The following ASB3 variants were observed in gnomAD, a reference collection of about 807,000 sequenced individuals.
The protein encoded by ASB3 is ankyrin repeat and SOCS box protein 3.
In ASB3, 41 loss-of-function variants were observed where a neutral mutation model predicts 54.5. The ratio of observed to expected loss-of-function variants is 0.75; its 90% confidence interval spans 0.59 to 0.98. The LOEUF (loss-of-function observed/expected upper bound fraction) is 0.98. Ranked by LOEUF, ASB3 falls within the 50% of genes least tolerant of loss-of-function variation. ASB3 has a pLI of 0.00. For synonymous variants in ASB3, 266 were observed against 221.2 expected (o/e 1.20, Z -1.80); for missense variants, 733 against 620.0 (o/e 1.18, Z -1.94).
intron 1 of ASB3, among the ~76,000 whole-genome samples, chr2:53,775,467 G>A (rs1179021930): frequency 1.3e-5 from 2 of 151,928 alleles, no homozygotes; most frequent in Admixed American, 1.3e-4. Flanking sequence ...GGCACCTCCT[G>A]GAATTATAAT....
At chr2:53,690,200 C>T (rs1231485027) in intron 9 of ASB3, among the ~76,000 whole-genome samples, 2 of 152,056 alleles carry the variant, frequency 1.3e-5, no homozygotes. Flanking sequence ...CATGCCACTG[C>T]ACTCCAGCCT....
intron 7 of ASB3, among the ~76,000 whole-genome samples, chr2:53,713,889 G>A (rs1210667585): frequency 6.6e-6 from 1 of 151,870 alleles, no homozygotes; most frequent in Admixed American, 6.6e-5. Context: ...CTCCAGCCCG[G>A]GCCACAGAGT....
rs780718931 is a variant in ASB3, at chr2:53,728,733, A to C, written c.583T>G (p.Leu195Val). 3.7e-6 allele frequency: 6 copies of C among 1,608,254 alleles called. No individual in the cohort carries two copies. Among genetic ancestry groups the C allele is most frequent in the Non-Finnish European group, 5.1e-6 (6 of 1,177,216 alleles). Residue 195 changes from leucine (L) to valine (V), a missense_variant, in exon 5 of 10, where the codon TTG (leucine) becomes GTG (valine). Coordinates refer to ENST00000263634, the MANE Select transcript of ASB3 (RefSeq NM_016115.5). ...VAAQYGKLES[L>V]SILISSGANV... The stretch of plus-strand genomic sequence containing the variant: ...TTACCCGATGAAATAAGTATGCTCA[A>C]GCTTTCTAGCTTGCCATACTGAGCA...
intron 5 of ASB3, among the ~76,000 whole-genome samples, chr2:53,728,216 T>A (rs1479007652): frequency 2.6e-5 from 4 of 152,166 alleles, no homozygotes; most frequent in Non-Finnish European, 5.9e-5. Flanking sequence ...TCCCTGGCAA[T>A]GCTGAATGTG....
At chr2:53,697,518 C>T (rs1669250499) in intron 8 of ASB3, among the ~76,000 whole-genome samples, 1 of 152,118 alleles carries the variant, frequency 6.6e-6, no homozygotes, top group South Asian at 2.1e-4. Context: ...ATTGGGACCC[C>T]TTTCCAGTAA....
intron 2 of ASB3, among the ~76,000 whole-genome samples, chr2:53,753,190 T>G (rs2104017192): frequency 6.6e-6 from 1 of 152,264 alleles, no homozygotes; most frequent in East Asian, 1.9e-4. Context: ...CTACATAACT[T>G]TGATAAATGA....
chr2:53,683,179 T>C (rs1668466942), intron 9 of ASB3, among the ~76,000 whole-genome samples: 2 of 152,174 alleles, frequency 1.3e-5, no homozygotes, highest in Admixed American at 1.3e-4. Flanking sequence ...CATGAAGAGA[T>C]GTTGAATTTT....
At chr2:53,748,423 A>G (rs1231752623) in intron 3 of ASB3, 1 of 152,196 alleles carries the variant, frequency 6.6e-6, no homozygotes, top group Non-Finnish European at 1.5e-5. Context: ...GGGAAAAAAG[A>G]AACTTAATAT....
chr2:53,733,697 C>T (rs1022465645), intron 3 of ASB3, among the ~76,000 whole-genome samples: 13 of 152,266 alleles, frequency 8.5e-5, no homozygotes, highest in African/African-American at 2.4e-4. Context: ...CCACCTTGGC[C>T]TCCCACCTCC....
chr2:53,731,284 C>T (rs1671296029), intron 3 of ASB3, among the ~76,000 whole-genome samples: 1 of 152,136 alleles, frequency 6.6e-6, no homozygotes, highest in African/African-American at 2.4e-5. Flanking sequence ...CACCTGTAAT[C>T]CTAGCTACTT....
intron 1 of ASB3, among the ~76,000 whole-genome samples, chr2:53,784,894 AT>A (rs1674852585): frequency 1.3e-5 from 2 of 152,070 alleles, no homozygotes; most frequent in African/African-American, 4.8e-5. Flanking sequence ...CCTACAATCA[AT>A]TTTCCACACA....
At chr2:53,783,033 A>T (rs1443505076) in intron 1 of ASB3, among the ~76,000 whole-genome samples, 1 of 152,100 alleles carries the variant, frequency 6.6e-6, no homozygotes, top group Non-Finnish European at 1.5e-5. Context: ...GTGATCTCTC[A>T]AAGTGCTGGA....
At chr2:53,702,177 C>G (rs1054995168) in intron 7 of ASB3, among the ~76,000 whole-genome samples, 1 of 152,082 alleles carries the variant, frequency 6.6e-6, no homozygotes, top group African/African-American at 2.4e-5. Flanking sequence ...GAGTAAATCC[C>G]AAAAGGCTTA....
At chr2:53,762,951 C>G (rs766521679) in intron 2 of ASB3, among the ~76,000 whole-genome samples, 1 of 152,086 alleles carries the variant, frequency 6.6e-6, no homozygotes, top group African/African-American at 2.4e-5. Context: ...TGAAGCAAAA[C>G]TCTTCTAATC....
intron 7 of ASB3, among the ~76,000 whole-genome samples, chr2:53,703,147 A>G (rs1366950447): frequency 6.6e-6 from 1 of 152,206 alleles, no homozygotes; most frequent in Non-Finnish European, 1.5e-5. Flanking sequence ...AACAGTCCTA[A>G]AACTTCTCAA....
intron 2 of ASB3, among the ~76,000 whole-genome samples, chr2:53,755,299 C>G (rs745685095): frequency 1.3e-5 from 2 of 152,160 alleles, no homozygotes; most frequent in Non-Finnish European, 2.9e-5. Context: ...GAACCACACC[C>G]TATGTTTACT....
intron 6 of ASB3, 128 bp downstream of exon 6, chr2:53,716,438 T>C (rs1572896754): frequency 1.7e-6 from 2 of 1,179,264 alleles, no homozygotes; most frequent in East Asian, 5.0e-5. Context: ...GTAGATCTGT[T>C]CACCCAGCAG....
At chr2:53,757,846 T>C (rs75846600) in intron 2 of ASB3, among the ~76,000 whole-genome samples, 9,296 of 152,282 alleles carry the variant, frequency 0.061, 493 homozygotes, top group East Asian at 0.28. Flanking sequence ...TCTCCTCCCC[T>C]GATTTTTACC....
intron 9 of ASB3, among the ~76,000 whole-genome samples, chr2:53,679,762 T>G (rs1668266474): frequency 1.3e-5 from 2 of 152,208 alleles, no homozygotes; most frequent in African/African-American, 2.4e-5. Flanking sequence ...ATTTAATTTT[T>G]AAGTTCAGGG....
Sources: gnomAD v4.1 joint callset for allele counts (sites outside exome capture counted in the v4.1 genomes callset) on GRCh38, gnomAD v4.1.1 for gene constraint, MANE v1.5 for transcripts, NCBI Gene and HGNC (gene_info 2026-07-23, HGNC 2026-07-21) for gene names.